Variants in FAM163A observed in about 807,000 individuals in gnomAD.
FAM163A encodes family with sequence similarity 163 member A.
In FAM163A, 7 loss-of-function variants were observed where a neutral mutation model predicts 12.0. The observed-to-expected ratio is 0.58, with a 90% CI of 0.33 to 1.10. The LOEUF (loss-of-function observed/expected upper bound fraction) is 1.10, where lower values mean the gene tolerates loss of function less well. Among genes scored for constraint, FAM163A ranks in the 50% least tolerant of loss-of-function variants. The probability of loss-of-function intolerance (pLI) is 0.03; values close to 1 mark genes in which losing one functional copy is unlikely to be tolerated. For synonymous variants in FAM163A, 101 were observed against 91.0 expected (o/e 1.11, Z -0.62); for missense variants, 202 against 218.6 (o/e 0.92, Z 0.48).
At chr1:179,750,942 G>A (rs1685192232) in intron 1 of FAM163A, among the ~76,000 whole-genome samples, 1 of 152,182 alleles carries the variant, frequency 6.6e-6, no homozygotes, top group Non-Finnish European at 1.5e-5. Flanking sequence ...TTGGATGTGA[G>A]AGTTGGGAGA....
At chr1:179,805,878 C>T (rs925123168) in intron 1 of FAM163A, among the ~76,000 whole-genome samples, 3 of 152,192 alleles carry the variant, frequency 2.0e-5, no homozygotes, top group Admixed American at 1.3e-4. Context: ...TTCCGAAGTT[C>T]CCTTCACCCA....
intron 1 of FAM163A, chr1:179,803,982 G>A (rs1436734649): frequency 7.0e-6 from 1 of 143,152 alleles, no homozygotes; most frequent in Non-Finnish European, 1.5e-5. Context: ...TTGCCTCCAG[G>A]CCAGGCGGCA....
chr1:179,733,344 A>G, the FAM163A span, among the ~76,000 whole-genome samples: 1 of 152,204 alleles, frequency 6.6e-6, no homozygotes, highest in Non-Finnish European at 1.5e-5. Context: ...CTGTTTTTGC[A>G]GTATGATTAT....
chr1:179,774,282 C>G (rs917079867), intron 1 of FAM163A, among the ~76,000 whole-genome samples: 1 of 152,232 alleles, frequency 6.6e-6, no homozygotes, highest in Non-Finnish European at 1.5e-5. Context: ...GCAGGTGCTA[C>G]CAGCTGAGGT....
chr1:179,800,747 CAG>C (rs1693052428), intron 1 of FAM163A, among the ~76,000 whole-genome samples: 1 of 152,178 alleles, frequency 6.6e-6, no homozygotes, highest in African/African-American at 2.4e-5. Context: ...AGGGGAATAA[CAG>C]AGTTTCCACA....
the FAM163A span, among the ~76,000 whole-genome samples, chr1:179,736,459 A>G: frequency 6.6e-6 from 1 of 152,230 alleles, no homozygotes; most frequent in Non-Finnish European, 1.5e-5. Flanking sequence ...AGAAATGCAA[A>G]TCAGAACTAT....
chr1:179,795,743 G>A lies in FAM163A; in HGVS notation c.-135-12055G>A, dbSNP rs933472562. Among the ~76,000 whole-genome samples the A allele has an allele frequency of 5.3e-5, 8 of 152,156 alleles. No individual in the cohort carries two copies. In the South Asian group the frequency reaches 1.7e-3, roughly 32 times the overall value. ...GCTGAATCGGGCTCAATAGCAGCTG[G>A]TTCCAGAGAGGCCACCAAATAGAAA... On this transcript the variant is annotated intron_variant, in intron 1 of 4. Coordinates refer to ENST00000341785, the MANE Select transcript of FAM163A (RefSeq NM_173509.3).
At chr1:179,783,320 A>T (rs1690070820) in intron 1 of FAM163A, among the ~76,000 whole-genome samples, 1 of 152,176 alleles carries the variant, frequency 6.6e-6, no homozygotes. Flanking sequence ...ACTAACATTT[A>T]TTGGGTTTAA....
intron 2 of FAM163A, among the ~76,000 whole-genome samples, chr1:179,809,779 A>G (rs1172533726): frequency 1.3e-5 from 2 of 152,144 alleles, no homozygotes; most frequent in African/African-American, 2.4e-5. Flanking sequence ...TCTGTCCATA[A>G]GCAGCCCTCA....
At chr1:179,745,599 T>C (rs1684358304) in intron 1 of FAM163A, among the ~76,000 whole-genome samples, 1 of 152,228 alleles carries the variant, frequency 6.6e-6, no homozygotes, top group African/African-American at 2.4e-5. Flanking sequence ...CCAGGGTCTG[T>C]CCATTGTGAA....
At chr1:179,738,058 G>A in the FAM163A span, among the ~76,000 whole-genome samples, 1 of 152,150 alleles carries the variant, frequency 6.6e-6, no homozygotes, top group Non-Finnish European at 1.5e-5. Context: ...CTTGGCACAT[G>A]TGGAATCTAT....
chr1:179,741,716 C>A (rs1405308267), upstream of FAM163A, among the ~76,000 whole-genome samples: 1 of 152,148 alleles, frequency 6.6e-6, no homozygotes, highest in African/African-American at 2.4e-5. Flanking sequence ...ATAGAAAGTT[C>A]AAAACCAAGC....
upstream of FAM163A, among the ~76,000 whole-genome samples, chr1:179,740,813 G>A (rs1683553599): frequency 6.6e-6 from 1 of 152,124 alleles, no homozygotes; most frequent in South Asian, 2.1e-4. Context: ...GAAATGTTGT[G>A]TATCTTGACT....
At chr1:179,774,781 A>T (rs919090885) in intron 1 of FAM163A, among the ~76,000 whole-genome samples, 6 of 152,110 alleles carry the variant, frequency 3.9e-5, no homozygotes, top group African/African-American at 1.2e-4. Flanking sequence ...CCCTGGACGA[A>T]CTCATCTCCA....
At chr1:179,733,554 T>C in the FAM163A span, among the ~76,000 whole-genome samples, 2 of 152,132 alleles carry the variant, frequency 1.3e-5, no homozygotes, top group African/African-American at 4.8e-5. Flanking sequence ...CCTTATATAA[T>C]TGATGATACC....
At chr1:179,780,676 G>C (rs1689598514) in intron 1 of FAM163A, among the ~76,000 whole-genome samples, 3 of 152,222 alleles carry the variant, frequency 2.0e-5, no homozygotes, top group Non-Finnish European at 4.4e-5. Flanking sequence ...AGGTGATTTT[G>C]ATACTTGCTA....
At chr1:179,739,798 C>A (rs4652451), upstream of FAM163A, among the ~76,000 whole-genome samples, 45,042 of 151,798 alleles carry the variant, frequency 0.3, 7,243 homozygotes, top group East Asian at 0.63. Context: ...AAGCACGAGC[C>A]CCTGAAGACG....
intron 1 of FAM163A, among the ~76,000 whole-genome samples, chr1:179,779,198 T>G (rs1475739737): frequency 6.6e-6 from 1 of 152,236 alleles, no homozygotes; most frequent in African/African-American, 2.4e-5. Context: ...TTTATATTAT[T>G]AGAAAAGGAT....
intron 1 of FAM163A, among the ~76,000 whole-genome samples, chr1:179,772,140 A>T (rs1395448362): frequency 6.6e-6 from 1 of 152,136 alleles, no homozygotes; most frequent in African/African-American, 2.4e-5. Flanking sequence ...TCTAAATAGC[A>T]ACTCCTCCGG....
Sources: allele counts gnomAD v4.1 joint callset (sites outside exome capture counted in the v4.1 genomes callset), GRCh38; gene constraint gnomAD v4.1.1; transcripts MANE v1.5; gene names NCBI Gene and HGNC (gene_info 2026-07-23, HGNC 2026-07-21).